CCNT1: variants seen among roughly 807,000 people sequenced by gnomAD.
CCNT1 encodes cyclin T1.
Under a neutral mutation model 67.3 loss-of-function variants are expected in CCNT1, and 18 were observed. That is an observed-to-expected ratio of 0.27 (90% CI 0.18 to 0.40). The LOEUF (loss-of-function observed/expected upper bound fraction) is 0.40, where lower values mean the gene tolerates loss of function less well. CCNT1 is among the 10% of genes least tolerant of loss of function. The probability of loss-of-function intolerance (pLI) is 1.00; values close to 1 mark genes in which losing one functional copy is unlikely to be tolerated. For synonymous variants in CCNT1, 333 were observed against 310.3 expected (o/e 1.07, Z -0.77); for missense variants, 744 against 884.9 (o/e 0.84, Z 2.02).
chr12:48,697,855 AATAT>A (rs72496497), intron 6 of CCNT1: 2,542 of 71,908 alleles, frequency 0.035, 36 homozygotes, highest in Non-Finnish European at 0.052. Context: ...AAAAAAAAAA[AATAT>A]ATATATATAT....
rs1388078315 is a variant in CCNT1, at chr12:48,689,844, G to GT, written c.*3188dup. The stretch of plus-strand genomic sequence containing the variant: ...AGCAGAGGTTTAAGATAACTCAGCA[G>GT]TGATGTCACCATGATTTTATTTCCA... On this transcript the variant is annotated 3_prime_UTR_variant, in exon 9 of 9. Coordinates refer to ENST00000261900, the MANE Select transcript of CCNT1 (RefSeq NM_001240.4). 2.0e-5 allele frequency: 3 copies of GT among 152,204 alleles called. No homozygotes were observed. The allele number at this position is 152,204 out of a possible 1,614,324, so 9.4% of individuals were successfully genotyped here.
At chr12:48,699,931 T>C in intron 4 of CCNT1, 91 bp from the exon 5 acceptor site, 1 of 744,000 alleles carries the variant, frequency 1.3e-6, no homozygotes, top group Non-Finnish European at 2.3e-6. Context: ...AAATTACACC[T>C]TACTGGTTTC....
chr12:48,698,309 C>T (rs759871119), intron 5 of CCNT1, 126 bp from the exon 6 acceptor site: 3 of 598,386 alleles, frequency 5.0e-6, no homozygotes, highest in Non-Finnish European at 8.7e-6. Flanking sequence ...GCAAATGAGA[C>T]ACACATGGTC....
At chr12:48,699,666 G>A (rs1347460195) in intron 5 of CCNT1, 112 bp downstream of exon 5, 7 of 629,408 alleles carry the variant, frequency 1.1e-5, no homozygotes, top group East Asian at 1.1e-4. Context: ...TTTAAGCCAA[G>A]TAGGCCTTTA....
chr12:48,705,199 C>T (rs1450512190), intron 3 of CCNT1, among the ~76,000 whole-genome samples: 1 of 152,188 alleles, frequency 6.6e-6, no homozygotes, highest in African/African-American at 2.4e-5. Context: ...GCAGCCTCAA[C>T]ATCCCATGCT....
intron 1 of CCNT1, among the ~76,000 whole-genome samples, chr12:48,715,943 T>G (rs912309869): frequency 6.6e-6 from 1 of 152,226 alleles, no homozygotes; most frequent in Non-Finnish European, 1.5e-5. Context: ...TGCAAAGCAC[T>G]GTGCTGGACA....
chr12:48,701,086 A>G lies in CCNT1; in HGVS notation c.373-13T>C, dbSNP rs770587454. ...GTTGCAAATAAGCCTAAAAGTGAGA[A>G]GACAGAAATTATTCCCTACAAAGGC... On this transcript the variant is annotated splice_polypyrimidine_tract_variant and intron_variant, in intron 3 of 8. Transcript: ENST00000261900. 89 of 1,545,320 alleles carry G rather than the reference A, an allele frequency of 5.8e-5. No homozygotes were observed. Among genetic ancestry groups the G allele is most frequent in the Non-Finnish European group, 6.2e-6 (7 of 1,130,186 alleles).
rs775724017 is a variant in CCNT1 at position 48,694,232 on chromosome 12, T to C, written c.982A>G (p.Met328Val). 1 of 1,614,066 alleles carries C rather than the reference T, an allele frequency of 6.2e-7. No homozygotes were observed. Among genetic ancestry groups the C allele is most frequent in the East Asian group, 2.2e-5 (1 of 44,892 alleles). Reference protein sequence around the residue: ...ESSSNLTSVEMLPGKRWLSSQ... With the variant: ...ESSSNLTSVEVLPGKRWLSSQ... ...GACAGCCAACGCTTGCCCGGCAACA[T>C]CTCCACACTGGTTAAGTTGCTGGAT... The change falls in exon 9 of 9, where the codon ATG becomes GTG. Residue 328 changes from methionine to valine, a missense_variant. Met to Val is a conservative substitution (Grantham distance 21, BLOSUM62 1). Coordinates refer to ENST00000261900, the MANE Select transcript of CCNT1 (RefSeq NM_001240.4).
Position 48,690,688 on chromosome 12 carries a change from A to G in CCNT1, c.*2345T>C, listed in dbSNP as rs996041187. ...ACAAAGCAACTCTTAGGCCCTAGTA[A>G]GCACTTTTTTCTAGTTCACTCCTGG... On this transcript the variant is annotated 3_prime_UTR_variant, in exon 9 of 9. Transcript: ENST00000261900. 1.3e-5 allele frequency: 2 copies of G among 152,202 alleles called. No individual in the cohort carries two copies. Among genetic ancestry groups the G allele is most frequent in the Non-Finnish European group, 2.9e-5 (2 of 68,034 alleles). The allele number at this position is 152,202 out of a possible 1,614,324, so 9.4% of individuals were successfully genotyped here. A position where few individuals can be genotyped will look rare whatever the true frequency, so the allele number is the denominator to read the frequency against.
chr12:48,711,262 C>T (rs1335462366), intron 2 of CCNT1, among the ~76,000 whole-genome samples: 3 of 151,652 alleles, frequency 2.0e-5, no homozygotes, highest in Non-Finnish European at 4.4e-5. Context: ...TGCCTGTAGT[C>T]CCAGCTACTT....
Position 48,690,240 on chromosome 12 carries a change from T to G in CCNT1, c.*2793A>C, listed in dbSNP as rs1319541460. The G allele has an allele frequency of 6.6e-6, 1 of 152,240 alleles. No individual in the cohort carries two copies. Among genetic ancestry groups the G allele is most frequent in the South Asian group, 2.1e-4 (1 of 4,834 alleles). The allele number at this position is 152,240 out of a possible 1,614,324, so 9.4% of individuals were successfully genotyped here. A position where few individuals can be genotyped will look rare whatever the true frequency, so the allele number is the denominator to read the frequency against. ...CTAGCAAAATTTTAGGAATGAGATT[T>G]ACAGAAGCTGAGGCTCCAGGCCTAC... On this transcript the variant is annotated 3_prime_UTR_variant, in exon 9 of 9. Transcript: ENST00000261900.
chr12:48,709,385 C>T (rs1393429035), intron 2 of CCNT1, among the ~76,000 whole-genome samples: 5 of 152,106 alleles, frequency 3.3e-5, no homozygotes, highest in Non-Finnish European at 7.4e-5. Flanking sequence ...ACTGACACTA[C>T]AAAAATTTTT....
At chr12:48,711,071 A>T (rs1376951401) in intron 2 of CCNT1, among the ~76,000 whole-genome samples, 1 of 151,830 alleles carries the variant, frequency 6.6e-6, no homozygotes, top group Admixed American at 6.6e-5. Context: ...GTCTCAAAAA[A>T]ATAAAAAAAG....
chr12:48,715,369 A>C (rs1280376346), intron 1 of CCNT1, among the ~76,000 whole-genome samples: 1 of 152,254 alleles, frequency 6.6e-6, no homozygotes, highest in Non-Finnish European at 1.5e-5. Context: ...CAGAGTGGAA[A>C]GAAATTTAAA....
rs771889041 is a variant in CCNT1, at chr12:48,697,534, A to AATATATAT, written c.542+596_542+603dup. Among the ~76,000 whole-genome samples the AATATATAT allele has an allele frequency of 1.2e-3, 162 of 130,662 alleles. 3 individuals carry two copies. The highest frequency in any genetic ancestry group is 4.9e-3 in the African/African-American group (160 of 32,930). 85.7% of individuals were successfully genotyped at this position (130,662 alleles called of 152,430 possible). ...TGAGACTCTGTCTTAAAAAAAAAAA[A>AATATATAT]ATATATATATATATATATATATATG... On this transcript the variant is annotated intron_variant, in intron 6 of 8. Transcript: ENST00000261900.
At position 48,696,162 on chromosome 12, in the gene CCNT1, G is replaced by T; in HGVS notation, c.543C>A (p.Ser181Arg). The T allele has an allele frequency of 6.2e-7, 1 of 1,602,914 alleles. No individual in the cohort carries two copies. ...AQTSYFMATNSLHLTTFSLQY... is the reference protein window; with the variant it reads ...AQTSYFMATNRLHLTTFSLQY... ...GCAGGCTAAATGTGGTCAAATGCAGGCTGACATCAGAGGGAAGAAAACAGA... is the reference window on the plus strand; with the variant it reads ...GCAGGCTAAATGTGGTCAAATGCAGTCTGACATCAGAGGGAAGAAAACAGA... The change falls in exon 7 of 9, where the codon AGC becomes AGA. Residue 181 changes from serine to arginine, a missense_variant and splice_region_variant. Ser to Arg is a moderately radical substitution (Grantham distance 110, BLOSUM62 -1). Transcript: ENST00000261900.
chr12:48,702,085 C>CG (rs1940280322), intron 3 of CCNT1, among the ~76,000 whole-genome samples: 1 of 152,058 alleles, frequency 6.6e-6, no homozygotes, highest in African/African-American at 2.4e-5. Context: ...TTAGTAGAGA[C>CG]GGGGTTTCAC....
intron 3 of CCNT1, among the ~76,000 whole-genome samples, chr12:48,703,514 G>A (rs562326372): frequency 5.3e-5 from 8 of 151,618 alleles, no homozygotes; most frequent in African/African-American, 9.7e-5. Flanking sequence ...GGGAGGTTGC[G>A]GTTGGCTGAG....
intron 2 of CCNT1, among the ~76,000 whole-genome samples, chr12:48,707,895 T>C (rs1432046035): frequency 6.6e-6 from 1 of 151,818 alleles, no homozygotes; most frequent in Non-Finnish European, 1.5e-5. Flanking sequence ...CCGTCTCTAC[T>C]AAAAACACAA....
Sources: allele counts gnomAD v4.1 joint callset (sites outside exome capture counted in the v4.1 genomes callset), GRCh38; gene constraint gnomAD v4.1.1; transcripts MANE v1.5; gene names NCBI Gene and HGNC (gene_info 2026-07-23, HGNC 2026-07-21).